The following GMDS variants were observed in gnomAD, a reference collection of about 807,000 sequenced individuals.
GMDS encodes GDP-mannose 4,6 dehydratase.
GMDS carries 20 observed loss-of-function variants against 49.9 expected under a neutral mutation model. The ratio of observed to expected loss-of-function variants is 0.40; its 90% confidence interval spans 0.28 to 0.58. The LOEUF is 0.58. GMDS is among the 20% of genes least tolerant of loss of function. GMDS has a pLI of 0.42. For missense variants in GMDS, 362 were observed against 481.4 expected (o/e 0.75, Z 2.32); for synonymous variants, 177 against 178.6 (o/e 0.99, Z 0.07).
intron 8 of GMDS, among the ~76,000 whole-genome samples, chr6:1,733,256 A>G: frequency 6.6e-6 from 1 of 152,242 alleles, no homozygotes; most frequent in East Asian, 1.9e-4. Flanking sequence ...ATGCGACCTC[A>G]GCAGCCCAGG....
intron 9 of GMDS, among the ~76,000 whole-genome samples, chr6:1,665,951 C>G (rs547444566): frequency 6.6e-6 from 1 of 152,292 alleles, no homozygotes; most frequent in South Asian, 2.1e-4. Context: ...AATACATAGA[C>G]TATTTCCTTC....
intron 1 of GMDS, among the ~76,000 whole-genome samples, chr6:2,241,225 T>C (rs961869764): frequency 1.3e-5 from 2 of 152,152 alleles, no homozygotes; most frequent in African/African-American, 4.8e-5. Flanking sequence ...TCACAGAATG[T>C]CTACCCAATG....
intron 7 of GMDS, among the ~76,000 whole-genome samples, chr6:1,776,449 G>A (rs1768837158): frequency 6.6e-6 from 1 of 151,844 alleles, no homozygotes; most frequent in Non-Finnish European, 1.5e-5. Flanking sequence ...GTGCTTTGGG[G>A]GGCCGAGGCA....
At chr6:1,632,958 C>T (rs1763042062) in intron 9 of GMDS, among the ~76,000 whole-genome samples, 1 of 152,206 alleles carries the variant, frequency 6.6e-6, no homozygotes, top group African/African-American at 2.4e-5. Context: ...GGCTCAACCA[C>T]TTAACTCTTT....
chr6:1,833,116 G>A lies in GMDS; in HGVS notation c.772-90530C>T, dbSNP rs1360140121. On this transcript the variant is annotated intron_variant, in intron 7 of 10. Transcript: ENST00000380815. The surrounding 1 kb of genome is among the most constrained non-coding windows in gnomAD (Gnocchi z 4.4). Reference sequence around the variant, plus strand: ...TGCCCAGCTCACCCGGCAGTGGAGCGTATGAAAGCCTTTTTTTTTTTTTTT... The same window carrying A: ...TGCCCAGCTCACCCGGCAGTGGAGCATATGAAAGCCTTTTTTTTTTTTTTT... 3.4e-5 allele frequency among the ~76,000 whole-genome samples: 5 copies of A among 148,172 alleles called. No individual in the cohort carries two copies. Among genetic ancestry groups the A allele is most frequent in the African/African-American group, 9.9e-5 (4 of 40,404 alleles).
At chr6:2,048,122 G>C (rs1035757926) in intron 4 of GMDS, among the ~76,000 whole-genome samples, 1 of 152,178 alleles carries the variant, frequency 6.6e-6, no homozygotes, top group Non-Finnish European at 1.5e-5. Context: ...ATGACCAAGA[G>C]GAACCTCATC....
chr6:2,105,070 G>T (rs1218848961), intron 4 of GMDS, among the ~76,000 whole-genome samples: 4 of 151,024 alleles, frequency 2.6e-5, no homozygotes, highest in Admixed American at 6.6e-5. Flanking sequence ...TAGTCCCAGC[G>T]ACTCGGGAGG....
intron 1 of GMDS, among the ~76,000 whole-genome samples, chr6:2,173,970 A>C: frequency 6.6e-6 from 1 of 152,238 alleles, no homozygotes; most frequent in East Asian, 1.9e-4. Flanking sequence ...CAAAGGCCAT[A>C]TAACTAGAAA....
intron 4 of GMDS, among the ~76,000 whole-genome samples, chr6:2,007,478 T>C (rs1307158023): frequency 6.6e-6 from 1 of 152,206 alleles, no homozygotes; most frequent in East Asian, 1.9e-4. Flanking sequence ...GAACATTATC[T>C]GTCCAGGCTT....
intron 9 of GMDS, among the ~76,000 whole-genome samples, chr6:1,663,894 C>T (rs1581429154): frequency 6.6e-6 from 1 of 152,154 alleles, no homozygotes; most frequent in East Asian, 1.9e-4. Flanking sequence ...CTGTGCCCTC[C>T]TGTATGAATG....
At chr6:2,165,040 C>A (rs1777594039) in intron 1 of GMDS, among the ~76,000 whole-genome samples, 1 of 152,170 alleles carries the variant, frequency 6.6e-6, no homozygotes, top group Admixed American at 6.5e-5. Flanking sequence ...ATGCCATGGC[C>A]TATCAGTGCT....
intron 8 of GMDS, among the ~76,000 whole-genome samples, chr6:1,734,087 G>C (rs1476942329): frequency 6.6e-6 from 1 of 152,172 alleles, no homozygotes; most frequent in Non-Finnish European, 1.5e-5. Flanking sequence ...AGTGTAAACG[G>C]TGAACCCTGG....
chr6:1,928,931 T>C (rs1411704311), intron 7 of GMDS, among the ~76,000 whole-genome samples: 1 of 152,096 alleles, frequency 6.6e-6, no homozygotes, highest in East Asian at 1.9e-4. Context: ...ATCATGCCAC[T>C]GCACTCTAGC....
intron 7 of GMDS, among the ~76,000 whole-genome samples, chr6:1,806,831 T>G (rs1212684682): frequency 6.6e-6 from 1 of 152,168 alleles, no homozygotes; most frequent in Non-Finnish European, 1.5e-5. Context: ...TTCCTCTGAG[T>G]TGACAGCCAC....
intron 7 of GMDS, among the ~76,000 whole-genome samples, chr6:1,928,389 A>G (rs1261167983): frequency 1.3e-5 from 2 of 151,962 alleles, no homozygotes; most frequent in Non-Finnish European, 2.9e-5. Flanking sequence ...AAGAATACCT[A>G]TAGCTTACTA....
chr6:2,184,570 C>T (rs997841766), intron 1 of GMDS, among the ~76,000 whole-genome samples: 1 of 152,198 alleles, frequency 6.6e-6, no homozygotes, highest in African/African-American at 2.4e-5. Context: ...CTCAGAGAGG[C>T]TGCCCGGACC....
intron 7 of GMDS, among the ~76,000 whole-genome samples, chr6:1,769,919 G>A (rs1341678525): frequency 6.6e-6 from 1 of 152,092 alleles, no homozygotes; most frequent in Non-Finnish European, 1.5e-5. Flanking sequence ...AGGAGATGGG[G>A]TTTTGCCATA....
intron 1 of GMDS, among the ~76,000 whole-genome samples, chr6:2,181,123 C>T (rs1157119418): frequency 1.4e-5 from 2 of 140,636 alleles, no homozygotes; most frequent in Non-Finnish European, 3.0e-5. Context: ...TGCAGTGAGC[C>T]GAGATCACAC....
At chr6:1,750,191 C>T (rs1253319840) in intron 7 of GMDS, among the ~76,000 whole-genome samples, 1 of 152,066 alleles carries the variant, frequency 6.6e-6, no homozygotes, top group African/African-American at 2.4e-5. Context: ...GCAGAAGTTT[C>T]CTCTTAACTT....
Sources: gnomAD v4.1 joint callset for allele counts (sites outside exome capture counted in the v4.1 genomes callset) on GRCh38, gnomAD v4.1.1 for gene constraint, Gnocchi (gnomAD v3.1) non-coding constraint, MANE v1.5 for transcripts, NCBI Gene and HGNC (gene_info 2026-07-23, HGNC 2026-07-21) for gene names.